The following UBE2N variants were observed in gnomAD, a reference collection of about 807,000 sequenced individuals.
The protein encoded by UBE2N is ubiquitin conjugating enzyme E2 N.
For synonymous variants in UBE2N, 70 were observed against 69.2 expected (o/e 1.01, Z -0.06); for missense variants, 60 against 192.1 (o/e 0.31, Z 4.07).
chr12:93,424,830 TC>T (rs974796138), intron 1 of UBE2N, among the ~76,000 whole-genome samples: 3 of 152,218 alleles, frequency 2.0e-5, no homozygotes, highest in Non-Finnish European at 4.4e-5. Flanking sequence ...ACCCAAAACA[TC>T]CCATTTTGCT....
chr12:93,426,211 C>T (rs79414255), intron 1 of UBE2N, among the ~76,000 whole-genome samples: 12,428 of 152,078 alleles, frequency 0.082, 1,604 homozygotes, highest in African/African-American at 0.28. Context: ...AACTTACACA[C>T]TAGGGCTGAT....
At chr12:93,430,269 T>C (rs944649400) in intron 1 of UBE2N, among the ~76,000 whole-genome samples, 1 of 152,188 alleles carries the variant, frequency 6.6e-6, no homozygotes, top group African/African-American at 2.4e-5. Context: ...CTATACAACA[T>C]AGCCTAGGTG....
At chr12:93,410,590 G>A in intron 3 of UBE2N, 144 bp downstream of exon 3, 5 of 1,258,626 alleles carry the variant, frequency 4.0e-6, no homozygotes, top group Non-Finnish European at 5.5e-6. Context: ...ATTTTGTTAA[G>A]ACGTATTTAC....
At chr12:93,440,989 A>G (rs890697193) in intron 1 of UBE2N, among the ~76,000 whole-genome samples, 4 of 152,214 alleles carry the variant, frequency 2.6e-5, no homozygotes, top group African/African-American at 9.6e-5. Flanking sequence ...GGAGTTTTGG[A>G]AGCCGCCTGG....
chr12:93,421,384 A>G (rs1878406633), intron 1 of UBE2N, among the ~76,000 whole-genome samples: 1 of 152,132 alleles, frequency 6.6e-6, no homozygotes, highest in South Asian at 2.1e-4. Context: ...TTGTATTTTT[A>G]GTAGAGACGG....
intron 1 of UBE2N, among the ~76,000 whole-genome samples, chr12:93,436,588 G>A (rs1878940526): frequency 6.6e-6 from 1 of 151,840 alleles, no homozygotes; most frequent in Non-Finnish European, 1.5e-5. Context: ...GACATTTTAG[G>A]TACCTCCTAA....
At chr12:93,413,397 T>C (rs1878091103) in intron 1 of UBE2N, among the ~76,000 whole-genome samples, 1 of 152,178 alleles carries the variant, frequency 6.6e-6, no homozygotes, top group African/African-American at 2.4e-5. Context: ...TGATCTCATG[T>C]AATGCAATGA....
intron 1 of UBE2N, among the ~76,000 whole-genome samples, chr12:93,432,032 G>T (rs1015207198): frequency 6.6e-6 from 1 of 152,178 alleles, no homozygotes; most frequent in East Asian, 1.9e-4. Flanking sequence ...AGGAGTTTGA[G>T]ACCAGCCTGA....
chr12:93,435,273 G>C (rs1878901189), intron 1 of UBE2N, among the ~76,000 whole-genome samples: 1 of 152,092 alleles, frequency 6.6e-6, no homozygotes, highest in South Asian at 2.1e-4. Flanking sequence ...AGGAGTTCGA[G>C]ACCAGCCTGA....
intron 1 of UBE2N, among the ~76,000 whole-genome samples, chr12:93,426,357 C>T (rs2291266): frequency 2.9e-5 from 4 of 136,764 alleles, no homozygotes; most frequent in South Asian, 2.2e-4. Flanking sequence ...GCTAGCAACA[C>T]GAGCCAGCAA....
chr12:93,417,320 A>G (rs1486534977), intron 1 of UBE2N, among the ~76,000 whole-genome samples: 1 of 152,238 alleles, frequency 6.6e-6, no homozygotes, highest in African/African-American at 2.4e-5. Context: ...TAGTTAGTCA[A>G]TTATAACAAC....
In UBE2N at chr12:93,417,849, GA is replaced by G. The variant is rs371784095; in HGVS notation, c.31-6551del. Among the ~76,000 whole-genome samples the G allele has an allele frequency of 4.4e-3, 666 of 152,028 alleles. 6 individuals carry two copies. Among genetic ancestry groups the G allele is most frequent in the African/African-American group, 0.015 (628 of 41,468 alleles). ...GTTATAGAAAAAAAATTTAAATAAA[GA>G]AAAAAATTATGAAAAATTTGTAAGA... is the stretch of plus-strand genomic sequence containing the variant. On this transcript the variant is annotated intron_variant, in intron 1 of 3. Coordinates refer to ENST00000318066, the MANE Select transcript of UBE2N (RefSeq NM_003348.4).
In UBE2N at chr12:93,409,288, T is replaced by C. The variant is rs1483215655; in HGVS notation, c.*751A>G. On this transcript the variant is annotated 3_prime_UTR_variant, in exon 4 of 4. Transcript: ENST00000318066. ...AGAAAGAATGTTCCATCAGTTTCAA[T>C]TTTAAAATACGATTGTCAAATTGGG... 1 of 154,026 alleles carries C rather than the reference T, an allele frequency of 6.5e-6. No homozygotes were observed. The highest frequency in any genetic ancestry group is 2.4e-5 in the African/African-American group (1 of 41,468). The allele number at this position is 154,026 out of a possible 1,614,324, so 9.5% of individuals were successfully genotyped here.
At chr12:93,421,953 A>T (rs1343935458) in intron 1 of UBE2N, among the ~76,000 whole-genome samples, 1 of 152,226 alleles carries the variant, frequency 6.6e-6, no homozygotes, top group Non-Finnish European at 1.5e-5. Context: ...TCAAGGTCTT[A>T]AGGTACAGGA....
At chr12:93,416,983 T>C (rs1878237819) in intron 1 of UBE2N, among the ~76,000 whole-genome samples, 1 of 152,006 alleles carries the variant, frequency 6.6e-6, no homozygotes, top group Non-Finnish European at 1.5e-5. Flanking sequence ...AGTCCAAGGA[T>C]TGAATCCCAA....
intron 1 of UBE2N, 34 bp downstream of exon 1, chr12:93,441,821 G>A (rs771777477): frequency 1.3e-6 from 2 of 1,579,962 alleles, no homozygotes; most frequent in Non-Finnish European, 8.6e-7. Flanking sequence ...GACGAGAGCA[G>A]AGCGAAGAGC....
intron 1 of UBE2N, among the ~76,000 whole-genome samples, chr12:93,419,368 C>A (rs1878330366): frequency 6.8e-6 from 1 of 147,166 alleles, no homozygotes; most frequent in Non-Finnish European, 1.5e-5. Context: ...TCAGCCTGGG[C>A]AACAAGAGTG....
At chr12:93,421,740 G>C in intron 1 of UBE2N, among the ~76,000 whole-genome samples, 1 of 152,024 alleles carries the variant, frequency 6.6e-6, no homozygotes, top group Non-Finnish European at 1.5e-5. Flanking sequence ...ATTTTGACTT[G>C]GAATTATCAG....
At chr12:93,413,884 G>T (rs1001447976) in intron 1 of UBE2N, among the ~76,000 whole-genome samples, 1 of 152,212 alleles carries the variant, frequency 6.6e-6, no homozygotes, top group Admixed American at 6.5e-5. Context: ...GTCCTGAGCC[G>T]GGTGCGGTGG....
Sources: gnomAD v4.1 joint callset for allele counts (sites outside exome capture counted in the v4.1 genomes callset) on GRCh38, gnomAD v4.1.1 for gene constraint, MANE v1.5 for transcripts, NCBI Gene and HGNC (gene_info 2026-07-23, HGNC 2026-07-21) for gene names.